The following PTPRQ variants were observed in gnomAD, a reference collection of about 807,000 sequenced individuals.
PTPRQ encodes protein tyrosine phosphatase receptor type Q.
Under a neutral mutation model 246.0 loss-of-function variants are expected in PTPRQ, and 199 were observed. That is an observed-to-expected ratio of 0.81 (90% CI 0.72 to 0.91). The LOEUF is 0.91. Among genes scored for constraint, PTPRQ ranks in the 40% least tolerant of loss-of-function variants. The pLI is 0.00. For synonymous variants in PTPRQ, 869 were observed against 853.2 expected (o/e 1.02, Z -0.32); for missense variants, 2,624 against 2,528.4 (o/e 1.04, Z -0.81).
chr12:80,531,018 T>C (rs751456655), intron 17 of PTPRQ, among the ~76,000 whole-genome samples: 8 of 151,888 alleles, frequency 5.3e-5, no homozygotes, highest in Non-Finnish European at 1.2e-4. Context: ...AACAAGACCT[T>C]GTCGCTAAAA....
chr12:80,673,389 G>C (rs1159752219), intron 43 of PTPRQ, 85 bp downstream of exon 43: 1 of 1,492,092 alleles, frequency 6.7e-7, no homozygotes, highest in Non-Finnish European at 8.9e-7. Context: ...GGATGGACAT[G>C]AGCTTGAAGC....
At chr12:80,565,057 C>T (rs1055517746) in intron 25 of PTPRQ, among the ~76,000 whole-genome samples, 6 of 152,098 alleles carry the variant, frequency 3.9e-5, no homozygotes, top group African/African-American at 7.2e-5. Context: ...TGTGAGTTAA[C>T]GTAATAAGAT....
chr12:80,452,323 G>C (rs938432065), intron 3 of PTPRQ, among the ~76,000 whole-genome samples: 2 of 151,614 alleles, frequency 1.3e-5, no homozygotes, highest in Non-Finnish European at 2.9e-5. Context: ...TATCCAATTT[G>C]CCAGTCTGTG....
At chr12:80,541,870 G>A in intron 21 of PTPRQ, 25 bp downstream of exon 21, 1 of 1,498,350 alleles carries the variant, frequency 6.7e-7, no homozygotes, top group Non-Finnish European at 8.9e-7. Flanking sequence ...TTTATTGTCT[G>A]TTAAGCAGAT....
intron 39 of PTPRQ, among the ~76,000 whole-genome samples, chr12:80,668,767 C>A (rs1900869171): frequency 6.6e-6 from 1 of 151,538 alleles, no homozygotes; most frequent in Admixed American, 6.6e-5. Context: ...TTATGTAGTC[C>A]TTAATGTTTT....
chr12:80,656,053 G>A (rs1900423021), intron 38 of PTPRQ, among the ~76,000 whole-genome samples: 1 of 152,148 alleles, frequency 6.6e-6, no homozygotes, highest in Admixed American at 6.5e-5. Flanking sequence ...ATAAGGAGGT[G>A]TATCTAGTGA....
At chr12:80,645,255 A>T (rs374025738) in intron 35 of PTPRQ, among the ~76,000 whole-genome samples, 1 of 152,064 alleles carries the variant, frequency 6.6e-6, no homozygotes, top group Non-Finnish European at 1.5e-5. Context: ...TACACCTGTT[A>T]ATTTATAACG....
chr12:80,573,990 G>A (rs1897219063), intron 25 of PTPRQ, among the ~76,000 whole-genome samples: 1 of 152,170 alleles, frequency 6.6e-6, no homozygotes, highest in Middle Eastern at 3.4e-3. Flanking sequence ...TATTGAGAAG[G>A]AAATGATAAA....
intron 25 of PTPRQ, chr12:80,584,207 C>A (rs1897537901): frequency 6.6e-6 from 1 of 152,114 alleles, no homozygotes; most frequent in Non-Finnish European, 1.5e-5. Context: ...GTGGAAGAAT[C>A]TGTTTTTGTA....
chr12:80,644,381 T>A (rs1280600960), intron 35 of PTPRQ, among the ~76,000 whole-genome samples: 1 of 152,172 alleles, frequency 6.6e-6, no homozygotes, highest in African/African-American at 2.4e-5. Context: ...AATTGATTTA[T>A]CCAGTAATGA....
chr12:80,628,364 G>A (rs933982414), intron 33 of PTPRQ, among the ~76,000 whole-genome samples: 28 of 151,992 alleles, frequency 1.8e-4, no homozygotes, highest in Admixed American at 6.6e-5. Flanking sequence ...TTTTATATTG[G>A]TAACATTACA....
At chr12:80,678,261 G>A (rs545040972) in intron 43 of PTPRQ, among the ~76,000 whole-genome samples, 12 of 152,242 alleles carry the variant, frequency 7.9e-5, no homozygotes, top group Admixed American at 5.9e-4. Context: ...AAAACTGTAA[G>A]AGAATTTACC....
chr12:80,461,204 T>G (rs1275662512), intron 6 of PTPRQ, among the ~76,000 whole-genome samples: 1 of 152,232 alleles, frequency 6.6e-6, no homozygotes, highest in African/African-American at 2.4e-5. Flanking sequence ...TTTGCCGTTC[T>G]AAATGATTTA....
intron 38 of PTPRQ, among the ~76,000 whole-genome samples, chr12:80,655,636 A>G (rs1042861109): frequency 4.6e-5 from 7 of 151,906 alleles, no homozygotes; most frequent in African/African-American, 1.7e-4. Context: ...ACTCTCACAC[A>G]CATGTACACA....
intron 23 of PTPRQ, among the ~76,000 whole-genome samples, chr12:80,546,111 A>G (rs1896298005): frequency 6.6e-6 from 1 of 152,084 alleles, no homozygotes; most frequent in Non-Finnish European, 1.5e-5. Flanking sequence ...TCAGGTCAGG[A>G]GTTCAAGACC....
At position 80,534,942 on chromosome 12, in the gene PTPRQ, T is replaced by A; in HGVS notation, c.2890T>A (p.Ser964Thr). The change falls in exon 19 of 45, where the codon TCA (serine) becomes ACA (threonine). Residue 964 changes from serine (S) to threonine (T), a missense_variant. Transcript: ENST00000644991. ...DVYYANLSSS[S>T]IILFWTPPSK... is the part of the protein sequence containing the mutation. ...TTATTATGCAAACCTCAGTTCTTCA[T>A]CAATAATTCTTTTCTGGACACCTCC... 1 of 1,550,344 alleles carries A rather than the reference T, an allele frequency of 6.5e-7. No individual in the cohort carries two copies. Among genetic ancestry groups the A allele is most frequent in the African/African-American group, 1.4e-5 (1 of 73,124 alleles).
At chr12:80,651,828 C>T (rs1262377793) in intron 37 of PTPRQ, among the ~76,000 whole-genome samples, 1 of 151,844 alleles carries the variant, frequency 6.6e-6, no homozygotes, top group Non-Finnish European at 1.5e-5. Context: ...TTTTGTAAGC[C>T]TTTGGTGCCA....
rs1442177194 is a variant in PTPRQ at position 80,467,570 on chromosome 12, C to A, written c.911-1140C>A. ...GACACATGCACACATATGTTTATTG[C>A]GGCATTATTCACAATAGCAAAGACT... On this transcript the variant is annotated intron_variant, in intron 6 of 44. Coordinates refer to ENST00000644991, the MANE Select transcript of PTPRQ (RefSeq NM_001145026.2). Among the ~76,000 whole-genome samples the A allele has an allele frequency of 1.1e-4, 16 of 151,992 alleles. No individual in the cohort carries two copies. In the South Asian group the frequency reaches 2.9e-3, roughly 28 times the overall value.
In PTPRQ at chr12:80,495,331, A is replaced by C. The variant is rs1280456382; in HGVS notation, c.1842A>C (p.Ala614=). ...IYAMELDTNR[A]FQITTIDNSF... ...CAATGGAATTGGATACAAACAGAGC[A>C]TTCCAGATAACTACCATAGATAACA... Residue 614 remains alanine, a synonymous_variant, in exon 12 of 45, where the codon GCA becomes GCC. Coordinates refer to ENST00000644991, the MANE Select transcript of PTPRQ (RefSeq NM_001145026.2). 16 of 1,532,744 alleles carry C rather than the reference A, an allele frequency of 1.0e-5. No homozygotes were observed. The highest frequency in any genetic ancestry group is 1.4e-5 in the Non-Finnish European group (16 of 1,142,076). 94.9% of individuals were successfully genotyped at this position (1,532,744 alleles called of 1,614,324 possible).
Sources: gnomAD v4.1 joint callset for allele counts (sites outside exome capture counted in the v4.1 genomes callset) on GRCh38, gnomAD v4.1.1 for gene constraint, MANE v1.5 for transcripts, NCBI Gene and HGNC (gene_info 2026-07-23, HGNC 2026-07-21) for gene names.